The following CWH43 variants were observed in gnomAD, a reference collection of about 807,000 sequenced individuals.
The protein encoded by CWH43 is cell wall biogenesis 43 C-terminal homolog.
In CWH43, 91 loss-of-function variants were observed where a neutral mutation model predicts 85.7. The ratio of observed to expected loss-of-function variants is 1.06; its 90% CI spans 0.90 to 1.26. The LOEUF (loss-of-function observed/expected upper bound fraction) is 1.26. Among genes scored for constraint, CWH43 ranks in the 50% most tolerant of loss-of-function variants. CWH43 has a pLI of 0.00. For synonymous variants in CWH43, 323 were observed against 293.6 expected (o/e 1.10, Z -1.02); for missense variants, 869 against 839.2 (o/e 1.04, Z -0.44).
chr4:48,992,950 C>A lies in CWH43; in HGVS notation c.511+860C>A, dbSNP rs1782701209. On this transcript the variant is annotated intron_variant, in intron 4 of 15. Transcript: ENST00000226432. This position sits in a 1 kb window ranked among gnomAD's most constrained non-coding sequence, Gnocchi z 4.3. ...AATAGTAGAAGACTTAGAACTCTGT[C>A]TGGTCCCCTAACTTATGTTTTACAT... Among the ~76,000 whole-genome samples, 1 of 152,332 alleles carries A rather than the reference C, an allele frequency of 6.6e-6. No individual in the cohort carries two copies. Among genetic ancestry groups the A allele is most frequent in the South Asian group, 2.1e-4 (1 of 4,824 alleles).
Position 49,005,864 on chromosome 4 carries a change from C to T in CWH43, c.1061-1337C>T, listed in dbSNP as rs1336361789. Among the ~76,000 whole-genome samples, 11 of 152,126 alleles carry T rather than the reference C, an allele frequency of 7.2e-5. No homozygotes were observed. The East Asian group carries it at 7.7e-4, about 11-fold the overall frequency. On this transcript the variant is annotated intron_variant, in intron 7 of 15. Transcript: ENST00000226432. ...TTCCCCTGGTGCCCTGACAGACATC[C>T]GACTACTCTGCACATTTTGCCATAT... is the stretch of plus-strand genomic sequence containing the variant.
At chr4:49,050,637 C>A in intron 14 of CWH43, 57 bp from the exon 15 acceptor site, 1 of 1,426,358 alleles carries the variant, frequency 7.0e-7, no homozygotes, top group Non-Finnish European at 9.6e-7. Flanking sequence ...ACTTGGATCT[C>A]GTTAGATTTC....
At chr4:49,038,319 G>A (rs1187201299) in intron 13 of CWH43, 139 bp downstream of exon 13, 12 of 655,562 alleles carry the variant, frequency 1.8e-5, no homozygotes, top group Non-Finnish European at 3.0e-5. Flanking sequence ...CACAAAACAT[G>A]TGAGCTTAAA....
In CWH43 at chr4:49,061,821, C is replaced by A. The variant is rs767366228; in HGVS notation, c.2031C>A (p.Ser677=). The change falls in exon 16 of 16, where the codon TCC becomes TCA. Residue 677 remains serine, a synonymous_variant. Coordinates refer to ENST00000226432, the MANE Select transcript of CWH43 (RefSeq NM_025087.3). ...TTTTTTATTTTTTTAGATTTGGATC[C>A]TACAAAGAAGGACACAATTATGAAA... ...EKIHFNPRFG[S]YKEGHNYENN... 5 of 1,388,802 alleles carry A rather than the reference C, an allele frequency of 3.6e-6. No homozygotes were observed. The highest frequency in any genetic ancestry group is 2.7e-5 in the East Asian group (1 of 37,012). 86.0% of individuals were successfully genotyped at this position (1,388,802 alleles called of 1,614,324 possible). A position where few individuals can be genotyped will look rare whatever the true frequency, so the allele number is the denominator to read the frequency against.
intron 7 of CWH43, among the ~76,000 whole-genome samples, chr4:49,005,182 C>T (rs1321686967): frequency 2.0e-5 from 3 of 152,020 alleles, no homozygotes; most frequent in Non-Finnish European, 4.4e-5. Flanking sequence ...GGAACAGTGC[C>T]AGATACTGAA....
intron 12 of CWH43, among the ~76,000 whole-genome samples, chr4:49,034,346 A>G (rs1415125043): frequency 3.0e-4 from 45 of 152,110 alleles, no homozygotes; most frequent in Admixed American, 2.8e-3. Context: ...AAACAGTTTA[A>G]CTCCTTCCCT....
chr4:49,023,799 G>A (rs1260138808), intron 9 of CWH43, among the ~76,000 whole-genome samples: 1 of 152,222 alleles, frequency 6.6e-6, no homozygotes, highest in Non-Finnish European at 1.5e-5. Flanking sequence ...TGGTGCATGT[G>A]CTGATGAATA....
At position 49,059,855 on chromosome 4, in the gene CWH43, G is replaced by T. The variant is rs74633882; in HGVS notation, c.2022-1957G>T. On this transcript the variant is annotated intron_variant, in intron 15 of 15. Transcript: ENST00000226432. Reference sequence around the variant, plus strand: ...CCTGATTCCTGGGGTAGATGTGTGGGGTTAGGCCTTCAGCCTGAGTCTGCA... The same window carrying T: ...CCTGATTCCTGGGGTAGATGTGTGGTGTTAGGCCTTCAGCCTGAGTCTGCA... 2.9e-3 allele frequency among the ~76,000 whole-genome samples: 436 copies of T among 152,252 alleles called. 2 individuals are homozygous for T. The highest frequency in any genetic ancestry group is 0.01 in the African/African-American group (424 of 41,546).
intron 9 of CWH43, among the ~76,000 whole-genome samples, chr4:49,018,964 A>G (rs1218750392): frequency 3.9e-5 from 6 of 152,228 alleles, no homozygotes; most frequent in Admixed American, 3.3e-4. Context: ...CATAATGTCC[A>G]TCAGAAAAGG....
chr4:48,994,497 C>G (rs545616654), intron 4 of CWH43, 122 bp from the exon 5 acceptor site: 6 of 763,754 alleles, frequency 7.9e-6, no homozygotes, highest in Admixed American at 5.2e-5. Flanking sequence ...GTCTCATCTC[C>G]TCTTCCGAAG....
At chr4:49,047,268 A>T (rs1784652395) in intron 14 of CWH43, among the ~76,000 whole-genome samples, 1 of 152,084 alleles carries the variant, frequency 6.6e-6, no homozygotes. Flanking sequence ...CTTGCTCTAG[A>T]CTCCATTTGC....
intron 9 of CWH43, among the ~76,000 whole-genome samples, chr4:49,027,788 A>T (rs764779094): frequency 6.6e-5 from 10 of 151,756 alleles, no homozygotes; most frequent in Non-Finnish European, 1.0e-4. Flanking sequence ...TATTCTTCTG[A>T]TTTTTTTTGA....
chr4:48,999,386 C>T (rs1385300768), intron 6 of CWH43, among the ~76,000 whole-genome samples: 7 of 152,274 alleles, frequency 4.6e-5, no homozygotes, highest in African/African-American at 7.2e-5. Context: ...AATAAACATA[C>T]GCGTGCATGT....
intron 8 of CWH43, among the ~76,000 whole-genome samples, chr4:49,008,323 G>GT (rs911318121): frequency 1.9e-4 from 28 of 147,312 alleles, no homozygotes; most frequent in East Asian, 1.0e-3. Flanking sequence ...GGAGTCGTTT[G>GT]TTTTTTTTTT....
chr4:49,045,199 TC>T (rs1419477644), intron 14 of CWH43, among the ~76,000 whole-genome samples: 1 of 152,168 alleles, frequency 6.6e-6, no homozygotes, highest in African/African-American at 2.4e-5. Flanking sequence ...GATGAGAAAG[TC>T]CTGGGCTTGA....
rs1345234019 is a variant in CWH43, at chr4:48,998,715, G to A, written c.802+167G>A. ...TAATGCAGATGTCACCAAGGTCACC[G>A]GTGACTACCTGCTCTGAGTTCCTGC... On this transcript the variant is annotated intron_variant, in intron 6 of 15. Coordinates refer to ENST00000226432, the MANE Select transcript of CWH43 (RefSeq NM_025087.3). Among the ~76,000 whole-genome samples the A allele has an allele frequency of 3.7e-4, 57 of 152,060 alleles. 2 individuals carry two copies.
chr4:49,014,838 A>AATGAT (rs1476992662), intron 8 of CWH43, among the ~76,000 whole-genome samples: 3 of 151,978 alleles, frequency 2.0e-5, no homozygotes, highest in Non-Finnish European at 1.5e-5. Context: ...TACTCACCAG[A>AATGAT]ATGATACATT....
At chr4:49,003,677 T>C in intron 6 of CWH43, 58 bp from the exon 7 acceptor site, 1 of 1,581,524 alleles carries the variant, frequency 6.3e-7, no homozygotes, top group East Asian at 2.2e-5. Flanking sequence ...GGCTATAAAT[T>C]GGTCATCCTC....
chr4:49,026,406 C>G (rs1443527447), intron 9 of CWH43, among the ~76,000 whole-genome samples: 1 of 152,182 alleles, frequency 6.6e-6, no homozygotes, highest in East Asian at 1.9e-4. Flanking sequence ...TGTGGTAGTT[C>G]TTGGAGCAAA....
Sources: allele counts gnomAD v4.1 joint callset (sites outside exome capture counted in the v4.1 genomes callset), GRCh38; gene constraint gnomAD v4.1.1; non-coding constraint Gnocchi (gnomAD v3.1); transcripts MANE v1.5; gene names NCBI Gene and HGNC (gene_info 2026-07-23, HGNC 2026-07-21).